PIGO: variants seen among roughly 807,000 people sequenced by gnomAD.
PIGO encodes the protein GPI ethanolamine phosphate transferase 3, catalytic subunit.
A neutral mutation model predicts 86.9 loss-of-function variants in PIGO; 66 were observed. That is an observed-to-expected ratio of 0.76 (90% CI 0.62 to 0.93). The LOEUF is 0.93. Among genes scored for constraint, PIGO ranks in the 40% least tolerant of loss-of-function variants. The pLI, the probability that PIGO is intolerant of heterozygous loss-of-function variation, is 0.00. For synonymous variants in PIGO, 570 were observed against 556.4 expected (o/e 1.02, Z -0.34); for missense variants, 1,202 against 1,359.1 (o/e 0.88, Z 1.82).
chr9:35,091,183 G>A, intron 7 of PIGO, 57 bp downstream of exon 7: 1 of 1,498,276 alleles, frequency 6.7e-7, no homozygotes, highest in Non-Finnish European at 9.0e-7. Flanking sequence ...TTGAAAACAA[G>A]AGGGGCCGAA....
At position 35,096,549 on chromosome 9, in the gene PIGO, A is replaced by G. The variant is rs983993093; in HGVS notation, c.-396T>C. 1.3e-5 allele frequency: 2 copies of G among 152,790 alleles called. No individual in the cohort carries two copies. The highest frequency in any genetic ancestry group is 4.8e-5 in the African/African-American group (2 of 41,434). 9.5% of individuals were successfully genotyped at this position (152,790 alleles called of 1,614,324 possible). On this transcript the variant is annotated 5_prime_UTR_variant, in exon 1 of 11. Coordinates refer to ENST00000378617, the MANE Select transcript of PIGO (RefSeq NM_032634.4). ...TACCGGGGGGTGAGGTTCTCGGGAG[A>G]CCCTGGCTCACCTGCAATGGCACCC...
At chr9:35,095,764 A>T in intron 1 of PIGO, 198 bp from the exon 2 acceptor site, 1 of 735,158 alleles carries the variant, frequency 1.4e-6, no homozygotes, top group Non-Finnish European at 2.0e-6. Flanking sequence ...CTGTAATCCC[A>T]GCACTTTGGG....
Position 35,088,861 on chromosome 9 carries a change from G to T in PIGO, c.*231C>A. ...CGCCCGGCCTATTTTATTCCACTTC[G>T]GAGACCGCCCCCCTTGTCCCTCAGA... On this transcript the variant is annotated 3_prime_UTR_variant, in exon 11 of 11. Transcript: ENST00000378617. 1.9e-6 allele frequency: 1 copy of T among 514,146 alleles called. No homozygotes were observed. Among genetic ancestry groups the T allele is most frequent in the Non-Finnish European group, 3.3e-6 (1 of 299,962 alleles). The allele number at this position is 514,146 out of a possible 1,614,324, so 31.8% of individuals were successfully genotyped here.
At position 35,091,237 on chromosome 9, in the gene PIGO, T is replaced by G; in HGVS notation, c.2647+3A>C. On this transcript the variant is annotated splice_donor_region_variant and intron_variant, in intron 7 of 10. Coordinates refer to ENST00000378617, the MANE Select transcript of PIGO (RefSeq NM_032634.4). ...TTAAGTGAATCAGAGCTGAGATATT[T>G]ACCAGGGGTGGTGACGGGTATCCCA... The G allele has an allele frequency of 6.3e-7, 1 of 1,581,998 alleles. No individual in the cohort carries two copies. The highest frequency in any genetic ancestry group is 8.6e-7 in the Non-Finnish European group (1 of 1,163,746).
chr9:35,089,956 C>G, intron 9 of PIGO, 110 bp downstream of exon 9: 2 of 1,483,414 alleles, frequency 1.3e-6, no homozygotes, highest in Non-Finnish European at 1.8e-6. Context: ...AACCACTTCA[C>G]TTATGTGAAA....
chr9:35,093,501 C>T lies in PIGO; in HGVS notation c.859G>A (p.Gly287Arg), dbSNP rs780295527. 10 of 1,614,026 alleles carry T rather than the reference C, an allele frequency of 6.2e-6. No individual in the cohort carries two copies. Among genetic ancestry groups the T allele is most frequent in the Non-Finnish European group, 7.6e-6 (9 of 1,180,036 alleles). The change falls in exon 5 of 11, where the codon GGA (glycine) becomes AGA (arginine). Residue 287 changes from glycine (G) to arginine (R), a missense_variant. Transcript: ENST00000378617. ...GAGACCTCCAGCTCACTGTCCCCTC[C>T]ATGGTCTCCATTTGTGGTCATCCCA... ...DHGMTTNGDH[G>R]GDSELEVSAA...
Position 35,091,753 on chromosome 9 carries a change from C to T in PIGO, c.2134G>A (p.Ala712Thr). The T allele has an allele frequency of 1.2e-6, 2 of 1,611,888 alleles. No individual in the cohort carries two copies. The highest frequency in any genetic ancestry group is 2.2e-5 in the South Asian group (2 of 91,086). The part of the protein sequence containing the change: ...LFVRWGLPLM[A>T]LGTAAYWALA... ...GCCCAGTAGGCAGCAGTACCCAATG[C>T]CATTAGGGGCAGTCCCCAGCGCACA... Residue 712 changes from alanine (A) to threonine (T), a missense_variant, in exon 7 of 11, where the codon GCA becomes ACA. By Grantham distance (58) the Ala-to-Thr change is moderately conservative (BLOSUM62 0). Coordinates refer to ENST00000378617, the MANE Select transcript of PIGO (RefSeq NM_032634.4).
At position 35,092,599 on chromosome 9, in the gene PIGO, G is replaced by A. The variant is rs375108991; in HGVS notation, c.1288C>T (p.Gln430Ter). 6.2e-7 allele frequency: 1 copy of A among 1,614,260 alleles called. No individual in the cohort carries two copies. The highest frequency in any genetic ancestry group is 2.2e-5 in the East Asian group (1 of 44,886). ...ATGGCCCGAGCTCCCCGCAGGAACTGCTGCAGCTCAGCAATCACAGTCGGC... is the reference window on the plus strand; with the variant it reads ...ATGGCCCGAGCTCCCCGCAGGAACTACTGCAGCTCAGCAATCACAGTCGGC... Reference protein sequence around the residue: ...TLPTVIAELQQFLRGARAMCI... With the variant: ...TLPTVIAELQ Residue 430 changes from glutamine to a stop codon, truncating the protein, a stop_gained, in exon 7 of 11, where the codon CAG becomes TAG. Coordinates refer to ENST00000378617, the MANE Select transcript of PIGO (RefSeq NM_032634.4). LOFTEE classifies it high-confidence loss of function.
Position 35,092,116 on chromosome 9 carries a change from C to T in PIGO, c.1771G>A (p.Glu591Lys). Residue 591 changes from glutamate to lysine, a missense_variant, in exon 7 of 11, where the codon GAG becomes AAG. Glu to Lys is a moderately conservative substitution (Grantham distance 56, BLOSUM62 1). Transcript: ENST00000378617. ...AGCTTAGGTGGAAGCAGCTGGCCCT[C>T]CCAGTGAAGCTGGACAACCAGGAGC... ...ILLLVVQLHW[E>K]GQLLPPKLLT... The T allele has an allele frequency of 1.2e-6, 2 of 1,614,224 alleles. No individual in the cohort carries two copies. Among genetic ancestry groups the T allele is most frequent in the Non-Finnish European group, 1.7e-6 (2 of 1,180,046 alleles).
In PIGO at chr9:35,095,107, G is replaced by T; in HGVS notation, c.459C>A (p.Phe153Leu). 1.2e-6 allele frequency: 2 copies of T among 1,613,300 alleles called. No individual in the cohort carries two copies. Among genetic ancestry groups the T allele is most frequent in the Non-Finnish European group, 1.7e-6 (2 of 1,179,570 alleles). ...LPTFIDAGSNFASHAIVEDNL... is the reference protein window; with the variant it reads ...LPTFIDAGSNLASHAIVEDNL... ...TGTCTTCCACTATGGCGTGGCTGGC[G>T]AAGTTACTACCAGCATCAATAAAGG... is the stretch of plus-strand genomic sequence containing the variant. The change falls in exon 2 of 11, where the codon TTC becomes TTA. Residue 153 changes from phenylalanine to leucine, a missense_variant. Physicochemically the swap from Phe to Leu is conservative, Grantham distance 22. Coordinates refer to ENST00000378617, the MANE Select transcript of PIGO (RefSeq NM_032634.4).
In PIGO at chr9:35,091,437, G is replaced by A. The variant is rs1351149345; in HGVS notation, c.2450C>T (p.Ser817Phe). 1.9e-6 allele frequency: 3 copies of A among 1,614,222 alleles called. No individual in the cohort carries two copies. The highest frequency in any genetic ancestry group is 1.1e-5 in the South Asian group (1 of 91,086). The change falls in exon 7 of 11, where the codon TCT (serine) becomes TTT (phenylalanine). Residue 817 changes from serine (S) to phenylalanine (F), a missense_variant. Transcript: ENST00000378617. ...AGCAGCCACAGTCAGGGGACCCTGA[G>A]ATTTGGTCCTCTCTAACCGGCCCCG... ...EFRGRLERTK[S>F]QGPLTVAAYQ... is the part of the protein sequence containing the mutation.
At chr9:35,089,312 G>C in intron 10 of PIGO, 68 bp downstream of exon 10, 1 of 1,613,410 alleles carries the variant, frequency 6.2e-7, no homozygotes, top group South Asian at 1.1e-5. Flanking sequence ...TGGATGTTTA[G>C]GATCTTCATA....
In PIGO at chr9:35,095,523, A is replaced by G; in HGVS notation, c.43T>C (p.Phe15Leu). 1 of 1,603,436 alleles carries G rather than the reference A, an allele frequency of 6.2e-7. No homozygotes were observed. Among genetic ancestry groups the G allele is most frequent in the Non-Finnish European group, 8.5e-7 (1 of 1,174,226 alleles). The change falls in exon 2 of 11, where the codon TTC (phenylalanine) becomes CTC (leucine). Residue 15 changes from phenylalanine to leucine, a missense_variant. Transcript: ENST00000378617. Reference sequence around the variant, plus strand: ...AGGGCAATGCCAGCGTAGAAGAGGAAGCAGACCCAGGCCAGGAAGAGCAAC... The same window carrying G: ...AGGGCAATGCCAGCGTAGAAGAGGAGGCAGACCCAGGCCAGGAAGAGCAAC... The part of the protein sequence containing the change: ...SVLLFLAWVC[F>L]LFYAGIALFT...
chr9:35,089,373 T>G lies in PIGO; in HGVS notation c.3140+7A>C, dbSNP rs1829312682. On this transcript the variant is annotated splice_region_variant and intron_variant, in intron 10 of 10. Coordinates refer to ENST00000378617, the MANE Select transcript of PIGO (RefSeq NM_032634.4). Reference sequence around the variant, plus strand: ...ACCACCTCTACTTCTCAAGCAAATCTACTCACTTAGGGGCAAACACTTTCC... The same window carrying G: ...ACCACCTCTACTTCTCAAGCAAATCGACTCACTTAGGGGCAAACACTTTCC... 6.2e-7 allele frequency: 1 copy of G among 1,614,040 alleles called. No homozygotes were observed. The highest frequency in any genetic ancestry group is 1.3e-5 in the African/African-American group (1 of 74,920).
chr9:35,092,955 CAA>C, intron 6 of PIGO, 73 bp downstream of exon 6: 4 of 1,506,490 alleles, frequency 2.7e-6, no homozygotes, highest in Non-Finnish European at 3.6e-6. Flanking sequence ...AGTCAAAGGA[CAA>C]AAGAGTGGTT....
rs201252149 is a variant in PIGO, at chr9:35,095,663, C to G, written c.-1-97G>C. 4.4e-6 allele frequency: 6 copies of G among 1,353,782 alleles called. No individual in the cohort carries two copies. In the East Asian group the frequency reaches 1.3e-4, roughly 29 times the overall value. The allele number at this position is 1,353,782 out of a possible 1,614,324, so 83.9% of individuals were successfully genotyped here. On this transcript the variant is annotated intron_variant, in intron 1 of 10. Coordinates refer to ENST00000378617, the MANE Select transcript of PIGO (RefSeq NM_032634.4). The stretch of plus-strand genomic sequence containing the variant: ...AAGCCCAGCTAGAATCACTTCCTCC[C>G]GGAAACCTTCCTGGAGATAAACCAT...
rs746896458 is a variant in PIGO at position 35,089,146 on chromosome 9, C to T, written c.3216G>A (p.Val1072=). ...TGAACCAGGAGCTCACAGCACCATC[C>T]ACTCTCATCACCAAAGCTATGCCCA... The part of the protein sequence containing the change: ...LLLGIALVMR[V]DGAVSSWFRQ... The change falls in exon 11 of 11, where the codon GTG becomes GTA. Residue 1072 remains valine, a synonymous_variant. Coordinates refer to ENST00000378617, the MANE Select transcript of PIGO (RefSeq NM_032634.4). 1.2e-6 allele frequency: 2 copies of T among 1,614,166 alleles called. No homozygotes were observed. Among genetic ancestry groups the T allele is most frequent in the South Asian group, 2.2e-5 (2 of 91,084 alleles).
intron 9 of PIGO, 166 bp downstream of exon 9, chr9:35,089,900 C>T (rs2131070149): frequency 1.4e-6 from 2 of 1,430,326 alleles, no homozygotes; most frequent in East Asian, 5.0e-5. Context: ...TAAGGAGACC[C>T]AGGTTCAAGT....
rs774566108 is a variant in PIGO at position 35,091,936 on chromosome 9, A to G, written c.1951T>C (p.Ser651Pro). The G allele has an allele frequency of 1.2e-6, 2 of 1,614,218 alleles. No individual in the cohort carries two copies. Among genetic ancestry groups the G allele is most frequent in the East Asian group, 4.5e-5 (2 of 44,876 alleles). Residue 651 changes from serine to proline, a missense_variant, in exon 7 of 11, where the codon TCT becomes CCT. Coordinates refer to ENST00000378617, the MANE Select transcript of PIGO (RefSeq NM_032634.4). ...CPEETPVCHS[S>P]PWLSPLASMV... Reference sequence around the variant, plus strand: ...GATGCCAGAGGACTCAGCCAGGGAGAGGAGTGGCAAACAGGTGTCTCTTCA... The same window carrying G: ...GATGCCAGAGGACTCAGCCAGGGAGGGGAGTGGCAAACAGGTGTCTCTTCA...
Sources: allele counts gnomAD v4.1 joint callset, GRCh38; gene constraint gnomAD v4.1.1; transcripts MANE v1.5; gene names NCBI Gene and HGNC (gene_info 2026-07-23, HGNC 2026-07-21).